LNPEP: variants seen among roughly 807,000 people sequenced by gnomAD.
LNPEP encodes leucyl-cystinyl aminopeptidase.
Under a neutral mutation model 120.6 loss-of-function variants are expected in LNPEP, and 64 were observed. The ratio of observed to expected loss-of-function variants is 0.53; its 90% confidence interval spans 0.43 to 0.65. The LOEUF is 0.65. Among genes scored for constraint, LNPEP ranks in the 30% least tolerant of loss-of-function variants. The probability of loss-of-function intolerance (pLI) is 0.00; values close to 1 mark genes in which losing one functional copy is unlikely to be tolerated. For synonymous variants in LNPEP, 435 were observed against 425.4 expected (o/e 1.02, Z -0.28); for missense variants, 1,057 against 1,200.0 (o/e 0.88, Z 1.76).
intron 1 of LNPEP, among the ~76,000 whole-genome samples, chr5:96,952,627 T>A (rs1789350396): frequency 6.6e-6 from 1 of 152,220 alleles, no homozygotes; most frequent in Non-Finnish European, 1.5e-5. Flanking sequence ...ATGTGCGGAT[T>A]CTACCGTCAT....
At position 97,022,330 on chromosome 5, in the gene LNPEP, A is replaced by G. The variant is rs1226938893; in HGVS notation, c.2407A>G (p.Ile803Val). The G allele has an allele frequency of 1.9e-6, 3 of 1,611,740 alleles. No individual in the cohort carries two copies. The highest frequency in any genetic ancestry group is 2.5e-6 in the Non-Finnish European group (3 of 1,178,676). The change falls in exon 14 of 18, where the codon ATT becomes GTT. Residue 803 changes from isoleucine to valine, a missense_variant. Ile to Val is a conservative substitution (Grantham distance 29). Transcript: ENST00000231368. ...GGTATTTAAATTACTTCAAAACCAA[A>G]TTCAACAACAAACTTGGACTGATGA... ...TRVFKLLQNQ[I>V]QQQTWTDEGT...
At chr5:96,990,841 T>C (rs1241409953) in intron 4 of LNPEP, among the ~76,000 whole-genome samples, 1 of 152,354 alleles carries the variant, frequency 6.6e-6, no homozygotes, top group East Asian at 1.9e-4. Flanking sequence ...ATATGTTCTA[T>C]AGACTGAAGC....
At chr5:97,023,525 A>T (rs1791265655) in intron 14 of LNPEP, among the ~76,000 whole-genome samples, 1 of 152,192 alleles carries the variant, frequency 6.6e-6, no homozygotes, top group African/African-American at 2.4e-5. Context: ...AAGTGCTGGG[A>T]TTATAGGCAT....
intron 4 of LNPEP, among the ~76,000 whole-genome samples, chr5:96,987,095 G>A (rs992618386): frequency 6.6e-6 from 1 of 152,098 alleles, no homozygotes; most frequent in Admixed American, 6.5e-5. Context: ...ATAGCTCTAG[G>A]TTGTAAAAAT....
intron 1 of LNPEP, among the ~76,000 whole-genome samples, chr5:96,955,505 C>T (rs1340810933): frequency 2.0e-5 from 3 of 152,168 alleles, no homozygotes; most frequent in Non-Finnish European, 2.9e-5. Flanking sequence ...GTCCCAGCTA[C>T]TTGGGAGGCT....
intron 1 of LNPEP, chr5:96,962,822 T>G (rs2112583217): frequency 6.6e-6 from 1 of 151,466 alleles, no homozygotes; most frequent in African/African-American, 2.4e-5. Flanking sequence ...TATTAGCATA[T>G]GATTTGCCCT....
At chr5:97,015,178 G>A in intron 13 of LNPEP, 83 bp downstream of exon 13, 1 of 900,500 alleles carries the variant, frequency 1.1e-6, no homozygotes, top group Non-Finnish European at 1.6e-6. Flanking sequence ...GTAATAGGCT[G>A]AAAAAGCAAC....
chr5:96,954,463 G>GC (rs959738206), intron 1 of LNPEP, among the ~76,000 whole-genome samples: 1 of 151,822 alleles, frequency 6.6e-6, no homozygotes, highest in African/African-American at 2.4e-5. Context: ...AATTTGTGGA[G>GC]CAAAGACCTG....
intron 4 of LNPEP, among the ~76,000 whole-genome samples, chr5:96,989,330 TTATATATAATATATA>T (rs1561443051): frequency 1.9e-4 from 4 of 21,432 alleles, no homozygotes; most frequent in Non-Finnish European, 3.4e-4. Context: ...TAATATATAA[TTATATATAATATATA>T]ATATATTATA....
At chr5:96,942,586 G>C (rs556265744) in intron 1 of LNPEP, among the ~76,000 whole-genome samples, 22 of 151,462 alleles carry the variant, frequency 1.5e-4, no homozygotes, top group African/African-American at 5.3e-4. Context: ...CCCAGGAGGC[G>C]GAGGTTGCAG....
intron 1 of LNPEP, among the ~76,000 whole-genome samples, chr5:96,967,097 G>C (rs1484341570): frequency 1.3e-5 from 2 of 152,062 alleles, no homozygotes; most frequent in East Asian, 3.9e-4. Context: ...CTGTTTCACA[G>C]AGATTTTGAC....
chr5:96,969,524 A>G (rs1046140634), intron 1 of LNPEP, among the ~76,000 whole-genome samples: 2 of 152,016 alleles, frequency 1.3e-5, no homozygotes, highest in Non-Finnish European at 2.9e-5. Flanking sequence ...CCTGTGACCC[A>G]GTTCTGATTT....
Position 97,021,410 on chromosome 5 carries a change from A to G in LNPEP, c.2377-890A>G, listed in dbSNP as rs1200371371. On this transcript the variant is annotated intron_variant, in intron 13 of 17. Transcript: ENST00000231368. ...GAGAAAAAATAAGCTATAAACAACT[A>G]TTCTTCCCTGCAGGTCTCATTTTCT... is the stretch of plus-strand genomic sequence containing the variant. 2.6e-5 allele frequency among the ~76,000 whole-genome samples: 4 copies of G among 152,206 alleles called. No individual in the cohort carries two copies. The East Asian group carries it at 5.8e-4, about 22-fold the overall frequency.
chr5:96,947,296 G>A (rs1360820918), intron 1 of LNPEP, among the ~76,000 whole-genome samples: 2 of 152,210 alleles, frequency 1.3e-5, no homozygotes, highest in East Asian at 3.9e-4. Context: ...ATTTGATTGG[G>A]GGGACAAGTT....
chr5:97,030,576 A>C lies in LNPEP; in HGVS notation c.*2043A>C, dbSNP rs1331279366. ...TGTTAGTTAACTCTGCATATGGCAAATCTTGTCTTGAATTATATCATTTCT... is the reference window on the plus strand; with the variant it reads ...TGTTAGTTAACTCTGCATATGGCAACTCTTGTCTTGAATTATATCATTTCT... On this transcript the variant is annotated 3_prime_UTR_variant, in exon 18 of 18. Transcript: ENST00000231368. The C allele has an allele frequency of 1.3e-5, 2 of 150,284 alleles. No homozygotes were observed. The highest frequency in any genetic ancestry group is 4.9e-5 in the African/African-American group (2 of 40,722). 9.3% of individuals were successfully genotyped at this position (150,284 alleles called of 1,614,324 possible).
At chr5:96,996,827 A>G (rs553902029) in intron 7 of LNPEP, among the ~76,000 whole-genome samples, 64 of 152,164 alleles carry the variant, frequency 4.2e-4, no homozygotes, top group African/African-American at 1.5e-3. Context: ...TAAAGTTGCA[A>G]AGTCTAATTA....
chr5:96,945,381 G>A (rs570061499), intron 1 of LNPEP, among the ~76,000 whole-genome samples: 38 of 150,088 alleles, frequency 2.5e-4, no homozygotes, highest in Non-Finnish European at 4.6e-4. Flanking sequence ...ACTGCAGCCT[G>A]GGCAAGAGAG....
chr5:96,994,054 AATT>A, intron 6 of LNPEP, 83 bp downstream of exon 6: 1 of 1,158,812 alleles, frequency 8.6e-7, no homozygotes, highest in Non-Finnish European at 1.2e-6. Flanking sequence ...AGATGCTAAT[AATT>A]CTTTTTTTTT....
intron 1 of LNPEP, among the ~76,000 whole-genome samples, chr5:96,963,970 C>CAATA (rs138946230): frequency 0.012 from 1,859 of 152,142 alleles, 44 homozygotes; most frequent in East Asian, 0.07. Flanking sequence ...CCCTGCTGTG[C>CAATA]AATAGAACAC....
Sources: gnomAD v4.1 joint callset for allele counts (sites outside exome capture counted in the v4.1 genomes callset) on GRCh38, gnomAD v4.1.1 for gene constraint, MANE v1.5 for transcripts, NCBI Gene and HGNC (gene_info 2026-07-23, HGNC 2026-07-21) for gene names.